RBFOX1: variants seen among roughly 807,000 people sequenced by gnomAD.
RBFOX1 encodes RNA binding fox-1 homolog 1.
Under a neutral mutation model 57.7 loss-of-function variants are expected in RBFOX1, and 8 were observed. The ratio of observed to expected loss-of-function variants is 0.14; its 90% CI spans 0.08 to 0.25. RBFOX1 has a LOEUF of 0.25. Ranked by LOEUF, RBFOX1 falls within the 10% of genes least tolerant of loss-of-function variation. The pLI, the probability that RBFOX1 is intolerant of heterozygous loss-of-function variation, is 1.00. For missense variants in RBFOX1, 611 were observed against 548.5 expected, an observed-to-expected ratio of 1.11 and a Z score of -1.14; for synonymous variants, 326 against 222.4, an observed-to-expected ratio of 1.47 and a Z score of -4.15.
chr16:7,080,349 T>C (rs2058999515), intron 4 of RBFOX1, among the ~76,000 whole-genome samples: 1 of 152,116 alleles, frequency 6.6e-6, no homozygotes, highest in African/African-American at 2.4e-5. Flanking sequence ...TATCATTCTG[T>C]ACCTTCTTCG....
At chr16:7,245,015 A>T (rs35842576) in intron 4 of RBFOX1, among the ~76,000 whole-genome samples, 1 of 152,170 alleles carries the variant, frequency 6.6e-6, no homozygotes. Context: ...CCTCAGCTGC[A>T]TACCATTTTC....
chr16:7,280,656 A>G (rs2095522980), intron 4 of RBFOX1, among the ~76,000 whole-genome samples: 1 of 152,174 alleles, frequency 6.6e-6, no homozygotes, highest in South Asian at 2.1e-4. Flanking sequence ...GTCAACTGGC[A>G]TCCTAGAACA....
chr16:5,516,998 GTT>G (rs5815251), intron 2 of RBFOX1, among the ~76,000 whole-genome samples: 2 of 140,058 alleles, frequency 1.4e-5, no homozygotes, highest in African/African-American at 2.6e-5. Context: ...CTTTCTTCCT[GTT>G]TTTTTTTTTT....
At chr16:7,618,521 C>T (rs1466648751) in intron 10 of RBFOX1, among the ~76,000 whole-genome samples, 2 of 151,856 alleles carry the variant, frequency 1.3e-5, no homozygotes, top group East Asian at 1.9e-4. Context: ...ATTTCAAACG[C>T]AAGGTGACAT....
At chr16:7,350,096 G>A (rs1490186697) in intron 4 of RBFOX1, among the ~76,000 whole-genome samples, 11 of 152,106 alleles carry the variant, frequency 7.2e-5, no homozygotes, top group African/African-American at 2.7e-4. Flanking sequence ...GCAGTGAGCC[G>A]AGATCAGGCC....
At chr16:6,256,259 G>GTA (rs1247409611) in intron 1 of RBFOX1, among the ~76,000 whole-genome samples, 9 of 96,198 alleles carry the variant, frequency 9.4e-5, no homozygotes, top group South Asian at 3.4e-4. Context: ...ATATATATGT[G>GTA]TATATATATA....
chr16:6,404,675 A>T (rs1161981711), intron 2 of RBFOX1, among the ~76,000 whole-genome samples: 1 of 152,004 alleles, frequency 6.6e-6, no homozygotes, highest in Non-Finnish European at 1.5e-5. Context: ...GAACAGGGAG[A>T]GTACCAGGCA....
At position 7,206,889 on chromosome 16, in the gene RBFOX1, A is replaced by T. The variant is rs143918977; in HGVS notation, c.27+154791A>T. Among the ~76,000 whole-genome samples the T allele has an allele frequency of 3.5e-4, 54 of 152,286 alleles. 1 individual carries two copies. The East Asian group carries it at 6.8e-3, about 19-fold the overall frequency. ...TGGAGAGGCTGGAGAAACCGTCTTA[A>T]CTTGAAACAGTAGTTTATTGCTTCT... On this transcript the variant is annotated intron_variant, in intron 4 of 15. Coordinates refer to ENST00000550418, the MANE Select transcript of RBFOX1 (RefSeq NM_018723.4).
In RBFOX1 at chr16:6,294,175, C is replaced by T. The variant is rs571408690; in HGVS notation, c.-126-22820C>T. Among the ~76,000 whole-genome samples, 120 of 152,226 alleles carry T rather than the reference C, an allele frequency of 7.9e-4. 1 individual carries two copies. Among genetic ancestry groups the T allele is most frequent in the Middle Eastern group, 3.4e-3 (1 of 294 alleles). ...CCAGCCTGAGCGACAGAGTGAGACC[C>T]TGTCTCTAAAGAAAACAAAAATAGA... On this transcript the variant is annotated intron_variant, in intron 1 of 15. Coordinates refer to ENST00000550418, the MANE Select transcript of RBFOX1 (RefSeq NM_018723.4).
chr16:5,648,580 T>G (rs1214441790), intron 3 of RBFOX1, among the ~76,000 whole-genome samples: 1 of 152,104 alleles, frequency 6.6e-6, no homozygotes, highest in Non-Finnish European at 1.5e-5. Context: ...CTGTGCCCTA[T>G]GATGCACAGG....
At chr16:7,291,628 T>C (rs1398494307) in intron 4 of RBFOX1, among the ~76,000 whole-genome samples, 1 of 152,030 alleles carries the variant, frequency 6.6e-6, no homozygotes, top group African/African-American at 2.4e-5. Context: ...GAGCAGCATG[T>C]GCAGATGCGT....
intron 3 of RBFOX1, among the ~76,000 whole-genome samples, chr16:6,971,453 C>T (rs918312975): frequency 6.6e-6 from 1 of 151,546 alleles, no homozygotes; most frequent in Non-Finnish European, 1.5e-5. Flanking sequence ...TGGCAGGGGT[C>T]CCGCAGTGCA....
chr16:5,916,112 A>G (rs1567143300), intron 4 of RBFOX1, among the ~76,000 whole-genome samples: 2 of 152,114 alleles, frequency 1.3e-5, no homozygotes, highest in Non-Finnish European at 2.9e-5. Context: ...TCTCAAGTGC[A>G]AATGTAAGAC....
intron 2 of RBFOX1, among the ~76,000 whole-genome samples, chr16:6,506,890 C>G (rs968535994): frequency 6.6e-6 from 1 of 152,076 alleles, no homozygotes; most frequent in African/African-American, 2.4e-5. Context: ...TCAAGTGATC[C>G]ACCTGCCTTG....
intron 4 of RBFOX1, among the ~76,000 whole-genome samples, chr16:7,339,262 C>G (rs1038329423): frequency 1.3e-5 from 2 of 152,154 alleles, no homozygotes; most frequent in African/African-American, 2.4e-5. Flanking sequence ...CAGCAATTAT[C>G]TATTGAGCAC....
chr16:6,524,137 C>A (rs1332248897), intron 2 of RBFOX1, among the ~76,000 whole-genome samples: 1 of 152,112 alleles, frequency 6.6e-6, no homozygotes, highest in Non-Finnish European at 1.5e-5. Context: ...TTATTTCCTC[C>A]CCCGACACTA....
intron 4 of RBFOX1, among the ~76,000 whole-genome samples, chr16:7,121,582 C>A (rs990222456): frequency 6.6e-6 from 1 of 151,888 alleles, no homozygotes; most frequent in African/African-American, 2.4e-5. Flanking sequence ...TAAATATATA[C>A]ATAGATTCAA....
intron 3 of RBFOX1, among the ~76,000 whole-genome samples, chr16:6,879,190 T>G (rs528628593): frequency 5.8e-4 from 89 of 152,300 alleles, no homozygotes; most frequent in Non-Finnish European, 1.0e-3. Context: ...TTTAATAAGT[T>G]GTCCAGTAAT....
intron 4 of RBFOX1, among the ~76,000 whole-genome samples, chr16:7,338,523 G>C (rs1568286733): frequency 6.6e-6 from 1 of 152,082 alleles, no homozygotes; most frequent in Non-Finnish European, 1.5e-5. Context: ...TGAGTAGCTG[G>C]AACTACAGAC....
Sources: allele counts gnomAD v4.1 joint callset (sites outside exome capture counted in the v4.1 genomes callset), GRCh38; gene constraint gnomAD v4.1.1; transcripts MANE v1.5; gene names NCBI Gene and HGNC (gene_info 2026-07-23, HGNC 2026-07-21).